Variants in CNTN3 observed in about 807,000 individuals in gnomAD.
CNTN3 encodes the protein contactin-3.
In CNTN3, 60 loss-of-function variants were observed where a neutral mutation model predicts 119.1. The ratio of observed to expected loss-of-function variants is 0.50; its 90% CI spans 0.41 to 0.62. The LOEUF (loss-of-function observed/expected upper bound fraction) is 0.62, where lower values mean the gene tolerates loss of function less well. Ranked by LOEUF, CNTN3 falls within the 20% of genes least tolerant of loss-of-function variation. The probability of loss-of-function intolerance (pLI) is 0.00; values close to 1 mark genes in which losing one functional copy is unlikely to be tolerated. For synonymous variants in CNTN3, 450 were observed against 438.7 expected, an observed-to-expected ratio of 1.03 and a Z score of -0.32; for missense variants, 1,101 against 1,242.4, an observed-to-expected ratio of 0.89 and a Z score of 1.71.
chr3:74,342,928 G>A (rs183246844), intron 11 of CNTN3, among the ~76,000 whole-genome samples: 1 of 152,082 alleles, frequency 6.6e-6, no homozygotes, highest in East Asian at 1.9e-4. Flanking sequence ...TCAGACGCAC[G>A]AAGTAGTAAC....
chr3:74,381,033 C>T (rs1704605136), intron 5 of CNTN3, among the ~76,000 whole-genome samples: 2 of 151,658 alleles, frequency 1.3e-5, no homozygotes, highest in Non-Finnish European at 2.9e-5. Flanking sequence ...TGAACGACTC[C>T]TTAGAAAGCT....
chr3:74,295,832 T>C (rs1702327600), intron 18 of CNTN3, among the ~76,000 whole-genome samples: 3 of 152,104 alleles, frequency 2.0e-5, no homozygotes, highest in Admixed American at 2.0e-4. Flanking sequence ...GGTTCTCCCT[T>C]CTCAGGGCCC....
chr3:74,433,064 A>G (rs992645567), intron 4 of CNTN3, among the ~76,000 whole-genome samples: 1 of 152,166 alleles, frequency 6.6e-6, no homozygotes, highest in Non-Finnish European at 1.5e-5. Context: ...GAGATGGAGG[A>G]AAATTCAACA....
intron 13 of CNTN3, among the ~76,000 whole-genome samples, chr3:74,306,442 T>A (rs1006972330): frequency 6.6e-6 from 1 of 152,174 alleles, no homozygotes; most frequent in Non-Finnish European, 1.5e-5. Flanking sequence ...AAATAGCTTA[T>A]CTGTTAAATT....
intron 11 of CNTN3, among the ~76,000 whole-genome samples, chr3:74,345,352 T>C (rs1291622677): frequency 1.3e-5 from 2 of 152,208 alleles, no homozygotes; most frequent in Non-Finnish European, 2.9e-5. Context: ...GCTAGTTCAA[T>C]GGACTCGTTT....
intron 4 of CNTN3, among the ~76,000 whole-genome samples, chr3:74,428,260 T>C (rs115263816): frequency 0.021 from 3,155 of 152,050 alleles, 95 homozygotes; most frequent in African/African-American, 0.067. Context: ...ATATTACTTC[T>C]ATAAATTGAA....
intron 13 of CNTN3, among the ~76,000 whole-genome samples, chr3:74,315,022 C>A (rs538143349): frequency 6.6e-6 from 1 of 152,244 alleles, no homozygotes; most frequent in South Asian, 2.1e-4. Flanking sequence ...AGTAAAGAAG[C>A]CAGCTGAAAC....
At chr3:74,473,288 T>G (rs1439512644) in intron 4 of CNTN3, among the ~76,000 whole-genome samples, 3 of 152,106 alleles carry the variant, frequency 2.0e-5, no homozygotes, top group Non-Finnish European at 4.4e-5. Context: ...CTTCGTAATC[T>G]AATAAAATCC....
chr3:74,564,719 G>C (rs919916577), intron 1 of CNTN3, among the ~76,000 whole-genome samples: 45 of 151,912 alleles, frequency 3.0e-4, no homozygotes, highest in Admixed American at 5.3e-4. Context: ...GGTTCATGGT[G>C]TTCTTAATGT....
At chr3:74,337,341 AT>A (rs1703422053) in intron 11 of CNTN3, among the ~76,000 whole-genome samples, 1 of 152,114 alleles carries the variant, frequency 6.6e-6, no homozygotes, top group Admixed American at 6.6e-5. Context: ...ACCTGGAATT[AT>A]GGGGTGAGCA....
chr3:74,319,069 T>C (rs982663978), intron 13 of CNTN3, among the ~76,000 whole-genome samples: 1 of 152,016 alleles, frequency 6.6e-6, no homozygotes, highest in Non-Finnish European at 1.5e-5. Flanking sequence ...AGAATCAATA[T>C]CGTTTAAATG....
At chr3:74,600,305 T>A (rs1447710095) in intron 1 of CNTN3, among the ~76,000 whole-genome samples, 1 of 152,050 alleles carries the variant, frequency 6.6e-6, no homozygotes, top group Non-Finnish European at 1.5e-5. Flanking sequence ...GGGACCAACT[T>A]GGGGTCTGAG....
intron 20 of CNTN3, among the ~76,000 whole-genome samples, chr3:74,276,670 A>C (rs1701887059): frequency 6.6e-6 from 1 of 152,122 alleles, no homozygotes; most frequent in Non-Finnish European, 1.5e-5. Context: ...AAAAACCGAC[A>C]TAAAAAAGAC....
rs750775184 is a variant in CNTN3, at chr3:74,486,524, G to A, written c.290C>T (p.Thr97Ile). The A allele has an allele frequency of 4.4e-6, 7 of 1,607,806 alleles. No homozygotes were observed. The highest frequency in any genetic ancestry group is 1.7e-5 in the Admixed American group (1 of 57,860). Residue 97 changes from threonine to isoleucine, a missense_variant, in exon 4 of 23, where the codon ACT becomes ATT. Transcript: ENST00000263665. ...INPNRNWDTG[T>I]YQCFATNSLG... ...TGAATTTGTTGCAAAACATTGGTAA[G>A]TTCCTGTATCCCAATTTCTGTTGGG...
Position 74,295,229 on chromosome 3 carries a change from T to G in CNTN3, c.2409A>C (p.Thr803=), listed in dbSNP as rs777595641. 7 of 1,583,940 alleles carry G rather than the reference T, an allele frequency of 4.4e-6. No individual in the cohort carries two copies. Among genetic ancestry groups the G allele is most frequent in the Non-Finnish European group, 6.1e-6 (7 of 1,155,258 alleles). ...TTVFSAEEEP[T]VAPSQVSANS... ...TTGCAGAGACTTGAGATGGGGCCACTGTAGGCTCTGTTCGGAAACAGAAAT... is the reference window on the plus strand; with the variant it reads ...TTGCAGAGACTTGAGATGGGGCCACGGTAGGCTCTGTTCGGAAACAGAAAT... The change falls in exon 19 of 23, where the codon ACA becomes ACC. Residue 803 remains threonine, a synonymous_variant. Transcript: ENST00000263665.
At position 74,336,552 on chromosome 3, in the gene CNTN3, T is replaced by G. The variant is rs758139266; in HGVS notation, c.1471A>C (p.Thr491Pro). ...AENQFGKANG[T>P]THLVVTEPTR... is the part of the protein sequence containing the mutation. ...CTACCCGTAACAACCAAATGTGTTG[T>G]GCCATTTGCTTTCCCAAACTGGTTT... is the stretch of plus-strand genomic sequence containing the variant. Residue 491 changes from threonine (T) to proline (P), a missense_variant, in exon 12 of 23, where the codon ACA (threonine) becomes CCA (proline). Coordinates refer to ENST00000263665, the MANE Select transcript of CNTN3 (RefSeq NM_020872.3). The G allele has an allele frequency of 6.2e-7, 1 of 1,612,936 alleles. No homozygotes were observed. The highest frequency in any genetic ancestry group is 8.5e-7 in the Non-Finnish European group (1 of 1,179,130).
chr3:74,437,416 C>T (rs1024733847), intron 4 of CNTN3, among the ~76,000 whole-genome samples: 10 of 151,882 alleles, frequency 6.6e-5, no homozygotes, highest in Non-Finnish European at 4.4e-5. Flanking sequence ...GAGCCGAGAT[C>T]GCACCACTGC....
chr3:74,613,069 A>G (rs184510092), intron 1 of CNTN3, among the ~76,000 whole-genome samples: 1 of 152,362 alleles, frequency 6.6e-6, no homozygotes, highest in East Asian at 1.9e-4. Context: ...GCAAAGCAAA[A>G]GTAACACATT....
intron 11 of CNTN3, among the ~76,000 whole-genome samples, chr3:74,343,794 A>C (rs897094233): frequency 1.3e-5 from 2 of 152,216 alleles, no homozygotes; most frequent in African/African-American, 4.8e-5. Context: ...GCCCACCATC[A>C]GATTAGGTCT....
Sources: gnomAD v4.1 joint callset for allele counts (sites outside exome capture counted in the v4.1 genomes callset) on GRCh38, gnomAD v4.1.1 for gene constraint, MANE v1.5 for transcripts, NCBI Gene and HGNC (gene_info 2026-07-23, HGNC 2026-07-21) for gene names.